The following ARHGDIB variants were observed in gnomAD, a reference collection of about 807,000 sequenced individuals.
ARHGDIB encodes Rho GDP dissociation inhibitor beta, also known as rho GDP-dissociation inhibitor 2.
ARHGDIB carries 20 observed loss-of-function variants against 22.6 expected under a neutral mutation model. The ratio of observed to expected loss-of-function variants is 0.88; its 90% CI spans 0.62 to 1.28. ARHGDIB has a LOEUF of 1.28. Ranked by LOEUF, ARHGDIB falls within the 50% of genes most tolerant of loss-of-function variation. ARHGDIB has a pLI of 0.00. For missense variants in ARHGDIB, 254 were observed against 245.4 expected (o/e 1.04, Z -0.23); for synonymous variants, 114 against 96.1 (o/e 1.19, Z -1.09).
Position 14,944,834 on chromosome 12 carries a change from G to A in ARHGDIB, c.348C>T (p.Asn116=), listed in dbSNP as rs184478048. 21 of 1,612,900 alleles carry A rather than the reference G, an allele frequency of 1.3e-5. No homozygotes were observed. The highest frequency in any genetic ancestry group is 1.7e-5 in the Non-Finnish European group (20 of 1,179,416). The change falls in exon 5 of 6, where the codon AAC becomes AAT. Residue 116 remains asparagine, a synonymous_variant. Coordinates refer to ENST00000228945, the MANE Select transcript of ARHGDIB (RefSeq NM_001175.7). ...ATTTCAGGCCTGACACAATATCCCT[G>A]TTCACCTGCAGGTGGGAAGGAACCA... ...EYRVKIHFKV[N]RDIVSGLKYV...
At chr12:14,945,008 T>C (rs908135624) in intron 4 of ARHGDIB, among the ~76,000 whole-genome samples, 169 bp from the exon 5 acceptor site, 3 of 152,250 alleles carry the variant, frequency 2.0e-5, no homozygotes, top group Admixed American at 2.0e-4. Context: ...AGGCAAAGAT[T>C]AGAGAGGGGA....
At chr12:14,943,944 A>G (rs865783214) in intron 5 of ARHGDIB, among the ~76,000 whole-genome samples, 1 of 152,244 alleles carries the variant, frequency 6.6e-6, no homozygotes, top group African/African-American at 2.4e-5. Flanking sequence ...GGTATCGGAA[A>G]GGCCAATCAA....
intron 1 of ARHGDIB, among the ~76,000 whole-genome samples, chr12:14,957,378 G>A (rs555475904): frequency 6.6e-6 from 1 of 152,140 alleles, no homozygotes; most frequent in Non-Finnish European, 1.5e-5. Context: ...CTTCACTGAA[G>A]CTAGGTAACT....
intron 1 of ARHGDIB, chr12:14,950,976 A>C: frequency 3.3e-6 from 1 of 298,668 alleles, no homozygotes. Context: ...AACTGACAAG[A>C]AAGAAATCAC....
intron 3 of ARHGDIB, among the ~76,000 whole-genome samples, chr12:14,948,270 A>C (rs1864077371): frequency 6.6e-6 from 1 of 152,146 alleles, no homozygotes; most frequent in African/African-American, 2.4e-5. Context: ...TTTTTGGTCC[A>C]TTTATTCTCT....
At chr12:14,943,018 G>A (rs1007740408) in intron 5 of ARHGDIB, among the ~76,000 whole-genome samples, 4 of 152,146 alleles carry the variant, frequency 2.6e-5, no homozygotes, top group African/African-American at 4.8e-5. Context: ...ACAGGCATGC[G>A]CCACCATGCT....
At chr12:14,956,595 TGA>T (rs1190012096) in intron 1 of ARHGDIB, among the ~76,000 whole-genome samples, 1 of 152,138 alleles carries the variant, frequency 6.6e-6, no homozygotes, top group Non-Finnish European at 1.5e-5. Context: ...ACAGGAAAAA[TGA>T]AATGGAGAAT....
At position 14,947,952 on chromosome 12, in the gene ARHGDIB, G is replaced by A; in HGVS notation, c.266-3C>T. 1 of 1,607,026 alleles carries A rather than the reference G, an allele frequency of 6.2e-7. No individual in the cohort carries two copies. The highest frequency in any genetic ancestry group is 1.3e-5 in the African/African-American group (1 of 74,870). On this transcript the variant is annotated splice_region_variant and splice_polypyrimidine_tract_variant and intron_variant, in intron 3 of 5. Transcript: ENST00000228945. ...CTTTTTGAGGGCTTCCAGATCTCCT[G>A]TAGAAGAAGATTTAGAGAGAGTTTA...
At chr12:14,949,767 G>C (rs778010664) in intron 3 of ARHGDIB, 35 bp downstream of exon 3, 17 of 1,597,750 alleles carry the variant, frequency 1.1e-5, no homozygotes, top group Middle Eastern at 3.3e-4. Context: ...TGATATCTTA[G>C]GCCCCCTTTG....
At chr12:14,957,533 TA>T (rs1428498221) in intron 1 of ARHGDIB, among the ~76,000 whole-genome samples, 2 of 152,224 alleles carry the variant, frequency 1.3e-5, no homozygotes, top group Non-Finnish European at 2.9e-5. Flanking sequence ...GAATCAACCT[TA>T]AAATGAGACT....
intron 3 of ARHGDIB, 118 bp downstream of exon 3, chr12:14,949,684 C>T (rs538038475): frequency 3.4e-6 from 3 of 882,556 alleles, no homozygotes; most frequent in East Asian, 5.2e-5. Flanking sequence ...GTTAACTGGT[C>T]CTAGCATATA....
Position 14,942,626 on chromosome 12 carries a change from C to A in ARHGDIB, c.502G>T (p.Ala168Ser). 6.2e-7 allele frequency: 1 copy of A among 1,614,146 alleles called. No individual in the cohort carries two copies. The change falls in exon 6 of 6, where the codon GCG becomes TCG. Residue 168 changes from alanine to serine, a missense_variant. Transcript: ENST00000228945. ...PVEEAPKGML[A>S]RGTYHNKSFF... ...GACTTGTTGTGGTACGTGCCTCGCG[C>A]CAGCATGCCCTTGGGAGCCTCCTCA... is the stretch of plus-strand genomic sequence containing the variant.
chr12:14,947,288 T>C (rs1276203455), intron 4 of ARHGDIB, among the ~76,000 whole-genome samples: 1 of 152,242 alleles, frequency 6.6e-6, no homozygotes, highest in East Asian at 1.9e-4. Flanking sequence ...GTTTATTTCT[T>C]ATTTAGTTTC....
At position 14,942,634 on chromosome 12, in the gene ARHGDIB, C is replaced by T; in HGVS notation, c.494G>A (p.Gly165Asp). Residue 165 changes from glycine to aspartate, a missense_variant, in exon 6 of 6, where the codon GGC becomes GAC. Gly to Asp is a moderately conservative substitution (Grantham distance 94, BLOSUM62 -1). Transcript: ENST00000228945. ...GTGGTACGTGCCTCGCGCCAGCATG[C>T]CCTTGGGAGCCTCCTCAACTGGAGT... ...FLTPVEEAPK[G>D]MLARGTYHNK... 1.2e-6 allele frequency: 2 copies of T among 1,614,100 alleles called. No individual in the cohort carries two copies. The highest frequency in any genetic ancestry group is 1.3e-5 in the African/African-American group (1 of 75,040).
chr12:14,947,632 G>T (rs1161704380), intron 4 of ARHGDIB: 3 of 453,140 alleles, frequency 6.6e-6, no homozygotes, highest in Non-Finnish European at 1.2e-5. Flanking sequence ...TTCACAGAGG[G>T]ATCCCATTGG....
chr12:14,950,359 A>C (rs572422656), intron 2 of ARHGDIB, among the ~76,000 whole-genome samples, 173 bp downstream of exon 2: 8 of 152,326 alleles, frequency 5.3e-5, no homozygotes, highest in African/African-American at 1.7e-4. Context: ...TTATCTCTTA[A>C]GAAGACTTAA....
chr12:14,952,618 G>C (rs866055691), intron 1 of ARHGDIB, among the ~76,000 whole-genome samples: 6 of 152,232 alleles, frequency 3.9e-5, no homozygotes, highest in African/African-American at 1.4e-4. Flanking sequence ...GATGTTGTAG[G>C]TTGTGGGAAA....
chr12:14,946,043 C>A (rs908438103), intron 4 of ARHGDIB, among the ~76,000 whole-genome samples: 3 of 152,180 alleles, frequency 2.0e-5, no homozygotes, highest in Non-Finnish European at 4.4e-5. Flanking sequence ...GACTTCAAGA[C>A]AAAGAGTCTA....
At position 14,942,445 on chromosome 12, in the gene ARHGDIB, G is replaced by T; in HGVS notation, c.*77C>A. 1.3e-6 allele frequency: 2 copies of T among 1,501,790 alleles called. No homozygotes were observed. Among genetic ancestry groups the T allele is most frequent in the South Asian group, 2.3e-5 (2 of 87,942 alleles). The allele number at this position is 1,501,790 out of a possible 1,614,324, so 93.0% of individuals were successfully genotyped here. ...TTGAAGAGGGACCCAGCTGTGGACA[G>T]GGAGGAGGGACAGGGTGCTGAACAC... On this transcript the variant is annotated 3_prime_UTR_variant, in exon 6 of 6. Transcript: ENST00000228945.
Sources: gnomAD v4.1 joint callset for allele counts (sites outside exome capture counted in the v4.1 genomes callset) on GRCh38, gnomAD v4.1.1 for gene constraint, MANE v1.5 for transcripts, NCBI Gene and HGNC (gene_info 2026-07-23, HGNC 2026-07-21) for gene names.